Variants in ZFHX3 observed in about 807,000 individuals in gnomAD.
ZFHX3 encodes zinc finger homeobox protein 3.
In ZFHX3, 42 loss-of-function variants were observed where a neutral mutation model predicts 279.1. The ratio of observed to expected loss-of-function variants is 0.15; its 90% CI spans 0.12 to 0.19. The LOEUF is 0.19. ZFHX3 is among the 10% of genes least tolerant of loss of function. ZFHX3 has a pLI of 1.00. For synonymous variants in ZFHX3, 2,293 were observed against 1,957.8 expected (o/e 1.17, Z -4.52); for missense variants, 4,981 against 4,754.0 (o/e 1.05, Z -1.40).
chr16:73,501,915 C>T (rs373371225), intron 2 of ZFHX3, among the ~76,000 whole-genome samples: 6 of 152,180 alleles, frequency 3.9e-5, no homozygotes, highest in African/African-American at 1.4e-4. Flanking sequence ...TGGGGAAGGA[C>T]TTTGCAGAGG....
At position 73,588,398 on chromosome 16, in the gene ZFHX3, G is replaced by C. The variant is rs531459609; in HGVS notation, c.-1547+91782C>G. Among the ~76,000 whole-genome samples, 291 of 152,254 alleles carry C rather than the reference G, an allele frequency of 1.9e-3. 1 individual carries two copies. Among genetic ancestry groups the C allele is most frequent in the Non-Finnish European group, 3.5e-3 (240 of 68,030 alleles). On this transcript the variant is annotated intron_variant, in intron 2 of 17. Transcript: ENST00000641206. ...ACTATGACTGTATAAGAAAACAAGAGAGAGGAGGCCGGTCGCGGTGGCTCA... is the reference window on the plus strand; with the variant it reads ...ACTATGACTGTATAAGAAAACAAGACAGAGGAGGCCGGTCGCGGTGGCTCA...
chr16:73,190,100 T>C (rs976612065), intron 5 of ZFHX3, among the ~76,000 whole-genome samples: 7 of 152,218 alleles, frequency 4.6e-5, no homozygotes, highest in Non-Finnish European at 1.0e-4. Flanking sequence ...CTTCATAAGA[T>C]AGAGTGAGCA....
intron 2 of ZFHX3, among the ~76,000 whole-genome samples, chr16:73,510,496 G>T (rs542923998): frequency 1.4e-4 from 21 of 152,148 alleles, no homozygotes; most frequent in African/African-American, 4.8e-4. Context: ...TTTTTCATCC[G>T]AGGCTTCAAC....
intron 5 of ZFHX3, among the ~76,000 whole-genome samples, chr16:73,170,515 C>G (rs111739699): frequency 0.13 from 20,027 of 152,008 alleles, 1,403 homozygotes; most frequent in South Asian, 0.17. Flanking sequence ...CAGGAGTGAG[C>G]CACCGTGCCC....
At chr16:73,408,097 C>G (rs1235281704) in intron 3 of ZFHX3, among the ~76,000 whole-genome samples, 1 of 145,372 alleles carries the variant, frequency 6.9e-6, no homozygotes, top group Non-Finnish European at 1.5e-5. Flanking sequence ...GTTGCAGATA[C>G]CTGTGAAACT....
intron 5 of ZFHX3, among the ~76,000 whole-genome samples, chr16:73,183,146 A>G (rs753039602): frequency 1.3e-5 from 2 of 152,230 alleles, no homozygotes; most frequent in African/African-American, 2.4e-5. Flanking sequence ...CAGAGGTTGC[A>G]GTGAGCCAAG....
chr16:73,526,192 C>G (rs562945775), intron 2 of ZFHX3, among the ~76,000 whole-genome samples: 49 of 152,322 alleles, frequency 3.2e-4, no homozygotes, highest in African/African-American at 1.2e-3. Context: ...ACCATAAGCA[C>G]TCAGAGAAAC....
chr16:73,097,961 T>G (rs193231513), intron 7 of ZFHX3, among the ~76,000 whole-genome samples: 48 of 152,372 alleles, frequency 3.2e-4, no homozygotes, highest in African/African-American at 1.1e-3. Flanking sequence ...TACCACATTA[T>G]GTTTATCCAC....
chr16:72,996,582 C>T (rs1597070098), intron 1 of ZFHX3, among the ~76,000 whole-genome samples: 1 of 152,188 alleles, frequency 6.6e-6, no homozygotes, highest in African/African-American at 2.4e-5. Flanking sequence ...AACCTAATAA[C>T]AAGATAAATT....
intron 4 of ZFHX3, among the ~76,000 whole-genome samples, chr16:72,833,161 G>A (rs915815896): frequency 6.6e-6 from 1 of 152,196 alleles, no homozygotes; most frequent in Non-Finnish European, 1.5e-5. Flanking sequence ...TTGGTCTCCC[G>A]GCCCTGGAAA....
rs138576297 is a variant in ZFHX3 at position 73,757,695 on chromosome 16, A to G, written c.-1607-77455T>C. Among the ~76,000 whole-genome samples the G allele has an allele frequency of 3.7e-3, 558 of 152,280 alleles. 2 individuals carry two copies. The highest frequency in any genetic ancestry group is 6.4e-3 in the Non-Finnish European group (436 of 68,028). On this transcript the variant is annotated intron_variant, in intron 1 of 17. Transcript: ENST00000641206. Reference sequence around the variant, plus strand: ...GGGCATTTGTGATGAAAATATGTAAATGGTATTATTATTGGAGCACAGAGT... The same window carrying G: ...GGGCATTTGTGATGAAAATATGTAAGTGGTATTATTATTGGAGCACAGAGT...
intron 8 of ZFHX3, among the ~76,000 whole-genome samples, chr16:73,065,743 G>A (rs1965743333): frequency 6.6e-6 from 1 of 151,924 alleles, no homozygotes; most frequent in South Asian, 2.1e-4. Flanking sequence ...CTAAAGGGAC[G>A]GTTTAAAGAG....
chr16:72,887,700 T>C (rs1357425656), intron 4 of ZFHX3, among the ~76,000 whole-genome samples: 1 of 118,534 alleles, frequency 8.4e-6, no homozygotes, highest in Non-Finnish European at 1.7e-5. Flanking sequence ...GTGCAGTGTA[T>C]GTGGGGGAGG....
rs1206248518 is a variant in ZFHX3 at position 73,184,124 on chromosome 16, G to C, written c.-1103-40293C>G. Reference sequence around the variant, plus strand: ...CTCCTAGAGGTATATGGGCTCTTTCGGGTTGTGACCAGACCCTCCCTTCTG... The same window carrying C: ...CTCCTAGAGGTATATGGGCTCTTTCCGGTTGTGACCAGACCCTCCCTTCTG... On this transcript the variant is annotated intron_variant, in intron 5 of 17. Transcript: ENST00000641206. 3.9e-5 allele frequency among the ~76,000 whole-genome samples: 6 copies of C among 152,058 alleles called. No individual in the cohort carries two copies. The East Asian group carries it at 1.2e-3, about 30-fold the overall frequency.
chr16:73,413,279 G>A (rs556488046), intron 3 of ZFHX3, among the ~76,000 whole-genome samples: 1 of 152,356 alleles, frequency 6.6e-6, no homozygotes, highest in South Asian at 2.1e-4. Context: ...GCAAAGAACA[G>A]CACAGGAGTG....
intron 4 of ZFHX3, among the ~76,000 whole-genome samples, chr16:72,882,304 A>G (rs924953490): frequency 2.0e-5 from 3 of 151,828 alleles, no homozygotes; most frequent in African/African-American, 4.8e-5. Flanking sequence ...CATGGAAGAC[A>G]GCCTGGAGCC....
chr16:73,018,056 G>T (rs1964167636), intron 1 of ZFHX3, among the ~76,000 whole-genome samples: 1 of 151,500 alleles, frequency 6.6e-6, no homozygotes, highest in African/African-American at 2.4e-5. Flanking sequence ...CACGATCATG[G>T]CTCACTGCAG....
At chr16:73,788,030 G>A (rs1396131394) in intron 1 of ZFHX3, among the ~76,000 whole-genome samples, 1 of 152,078 alleles carries the variant, frequency 6.6e-6, no homozygotes, top group Admixed American at 6.6e-5. Flanking sequence ...AAACCCAGAA[G>A]GAACAGTGGA....
intron 4 of ZFHX3, among the ~76,000 whole-genome samples, chr16:72,883,011 T>G (rs1222697869): frequency 6.9e-6 from 1 of 144,380 alleles, no homozygotes; most frequent in Non-Finnish European, 1.5e-5. Flanking sequence ...TGTGTGTGTG[T>G]GTGTGTGTGT....
Sources: gnomAD v4.1 joint callset for allele counts (sites outside exome capture counted in the v4.1 genomes callset) on GRCh38, gnomAD v4.1.1 for gene constraint, MANE v1.5 for transcripts, NCBI Gene and HGNC (gene_info 2026-07-23, HGNC 2026-07-21) for gene names.